The following AKAP13 variants were observed in gnomAD, a reference collection of about 807,000 sequenced individuals.
AKAP13 encodes A-kinase anchoring protein 13.
In AKAP13, 80 loss-of-function variants were observed where a neutral mutation model predicts 264.5. That is an observed-to-expected ratio of 0.30 (90% CI 0.25 to 0.36). The LOEUF (loss-of-function observed/expected upper bound fraction) is 0.36, where lower values mean the gene tolerates loss of function less well. AKAP13 is among the 10% of genes least tolerant of loss of function. The pLI, the probability that AKAP13 is intolerant of heterozygous loss-of-function variation, is 1.00. For synonymous variants in AKAP13, 1,380 were observed against 1,250.2 expected, an observed-to-expected ratio of 1.10 and a Z score of -2.19; for missense variants, 3,712 against 3,435.2, an observed-to-expected ratio of 1.08 and a Z score of -2.01.
chr15:85,416,755 C>T (rs17552700), intron 1 of AKAP13, among the ~76,000 whole-genome samples: 38,105 of 151,978 alleles, frequency 0.25, 6,350 homozygotes, highest in Middle Eastern at 0.37. Context: ...CATCTGAAAA[C>T]CAGTATGTTC....
Position 85,718,938 on chromosome 15 carries a change from A to T in AKAP13, c.6002-138A>T. 1 of 1,196,696 alleles carries T rather than the reference A, an allele frequency of 8.4e-7. No homozygotes were observed. The highest frequency in any genetic ancestry group is 1.5e-5 in the African/African-American group (1 of 65,522). The allele number at this position is 1,196,696 out of a possible 1,614,324, so 74.1% of individuals were successfully genotyped here. ...AAAACAAAAAAACGAGAACACTTTT[A>T]GGGGAAAGATAGCTGTTGACCCAAT... On this transcript the variant is annotated intron_variant, in intron 22 of 36. Transcript: ENST00000394518. This position sits in a 1 kb window ranked among gnomAD's most constrained non-coding sequence, Gnocchi z 4.9.
intron 1 of AKAP13, chr15:85,415,080 A>T: frequency 1.7e-6 from 1 of 599,144 alleles, no homozygotes; most frequent in Non-Finnish European, 2.9e-6. Context: ...TAGTGAAGTT[A>T]CTCTGAAAAT....
Position 85,730,727 on chromosome 15 carries a change from G to GC in AKAP13, c.7282+25dup. 1.3e-6 allele frequency: 2 copies of GC among 1,595,460 alleles called. No homozygotes were observed. The highest frequency in any genetic ancestry group is 4.5e-5 in the East Asian group (2 of 44,578). On this transcript the variant is annotated intron_variant, in intron 30 of 36. Coordinates refer to ENST00000394518, the MANE Select transcript of AKAP13 (RefSeq NM_007200.5). ...ATGAGGGTAATTAACATTCAGCATT[G>GC]CCCCCTCTTCATCTACTCCCAGAGT... is the stretch of plus-strand genomic sequence containing the variant.
At chr15:85,526,443 G>A (rs544106644) in intron 3 of AKAP13, among the ~76,000 whole-genome samples, 10 of 80,606 alleles carry the variant, frequency 1.2e-4, no homozygotes, top group Non-Finnish European at 2.0e-4. Flanking sequence ...TGGCTGGCAC[G>A]TGTGTGTGTG....
At chr15:85,642,633 C>A (rs2082361754) in intron 9 of AKAP13, among the ~76,000 whole-genome samples, 1 of 152,174 alleles carries the variant, frequency 6.6e-6, no homozygotes, top group South Asian at 2.1e-4. Flanking sequence ...TCCCTCTTTC[C>A]CTCCTCAACA....
chr15:85,743,459 C>G, intron 35 of AKAP13, 33 bp from the exon 36 acceptor site: 1 of 1,594,306 alleles, frequency 6.3e-7, no homozygotes, highest in South Asian at 1.1e-5. Flanking sequence ...CTGACAGCCT[C>G]CAAGTGAAAA....
intron 14 of AKAP13, among the ~76,000 whole-genome samples, chr15:85,671,721 A>AT (rs1438637573): frequency 2.6e-5 from 4 of 151,830 alleles, no homozygotes. Flanking sequence ...TTTGCAGTGA[A>AT]TTTGATAAGC....
intron 13 of AKAP13, 106 bp from the exon 14 acceptor site, chr15:85,669,616 T>C: frequency 2.5e-6 from 2 of 795,652 alleles, no homozygotes; most frequent in Non-Finnish European, 4.0e-6. Flanking sequence ...CACCCGCTTC[T>C]TCACTGCCTT....
chr15:85,725,649 G>A (rs2151738233), intron 26 of AKAP13, among the ~76,000 whole-genome samples: 1 of 152,290 alleles, frequency 6.6e-6, no homozygotes, highest in South Asian at 2.1e-4. Context: ...CCAGGGAATT[G>A]TGGACTTCAC....
chr15:85,479,660 C>T (rs367564625), intron 1 of AKAP13, among the ~76,000 whole-genome samples: 1 of 152,232 alleles, frequency 6.6e-6, no homozygotes, highest in East Asian at 1.9e-4. Context: ...GTATGTCAGA[C>T]CTGGACAGCT....
chr15:85,513,841 A>C (rs540507959), intron 2 of AKAP13, among the ~76,000 whole-genome samples: 2 of 140,758 alleles, frequency 1.4e-5, no homozygotes, highest in Admixed American at 7.1e-5. Context: ...TCATTGTCCG[A>C]CGTTTCCTTG....
intron 3 of AKAP13, among the ~76,000 whole-genome samples, chr15:85,532,425 G>C (rs549785581): frequency 6.6e-6 from 1 of 152,228 alleles, no homozygotes; most frequent in Non-Finnish European, 1.5e-5. Context: ...CATGCCCTTA[G>C]CTGTAGAAGA....
intron 5 of AKAP13, among the ~76,000 whole-genome samples, chr15:85,552,231 T>G (rs17618909): frequency 0.2 from 31,154 of 152,142 alleles, 4,225 homozygotes; most frequent in Middle Eastern, 0.41. Context: ...ACTTCTAGAT[T>G]GTTCTTGATT....
At chr15:85,699,909 C>T (rs1399383630) in intron 17 of AKAP13, among the ~76,000 whole-genome samples, 7 of 152,194 alleles carry the variant, frequency 4.6e-5, no homozygotes, top group Admixed American at 1.3e-4. Context: ...AAGTTATAGA[C>T]AGTCTTTTTG....
chr15:85,742,002 G>A (rs1421037156), intron 35 of AKAP13, among the ~76,000 whole-genome samples: 1 of 152,022 alleles, frequency 6.6e-6, no homozygotes, highest in African/African-American at 2.4e-5. Context: ...CCGAGATCTC[G>A]CCACTGCACT....
intron 12 of AKAP13, among the ~76,000 whole-genome samples, 177 bp downstream of exon 12, chr15:85,658,767 GTTTC>G (rs1328465159): frequency 6.6e-6 from 1 of 151,884 alleles, no homozygotes; most frequent in Non-Finnish European, 1.5e-5. Context: ...ATATGAAATG[GTTTC>G]TTTAATTTGA....
rs769113718 is a variant in AKAP13 at position 85,581,021 on chromosome 15, G to T, written c.2953G>T (p.Gly985Cys). The T allele has an allele frequency of 1.9e-6, 3 of 1,613,750 alleles. No individual in the cohort carries two copies. The highest frequency in any genetic ancestry group is 2.5e-6 in the Non-Finnish European group (3 of 1,179,830). Residue 985 changes from glycine to cysteine, a missense_variant, in exon 7 of 37, where the codon GGT becomes TGT. Physicochemically the swap from Gly to Cys is radical, Grantham distance 159. Around this residue, in one of 3 missense-constraint regions of AKAP13, gnomAD observed 2,759 missense variants for 2,411.7 expected, o/e 1.14. Coordinates refer to ENST00000394518, the MANE Select transcript of AKAP13 (RefSeq NM_007200.5). ...AGCACTTCAGCTAAGTAATTCACCGGGTGCATCCTCTGCCTTTCTTAAGGC... is the reference window on the plus strand; with the variant it reads ...AGCACTTCAGCTAAGTAATTCACCGTGTGCATCCTCTGCCTTTCTTAAGGC... ...DKALQLSNSPGASSAFLKAET... is the reference protein window; with the variant it reads ...DKALQLSNSPCASSAFLKAET...
At chr15:85,683,141 T>G (rs1226279884) in intron 15 of AKAP13, among the ~76,000 whole-genome samples, 1 of 152,242 alleles carries the variant, frequency 6.6e-6, no homozygotes, top group Non-Finnish European at 1.5e-5. Context: ...TTTAGAACCC[T>G]TGCAATGAAT....
intron 1 of AKAP13, among the ~76,000 whole-genome samples, chr15:85,483,405 T>A (rs1000563199): frequency 2.6e-5 from 4 of 152,108 alleles, no homozygotes; most frequent in Non-Finnish European, 4.4e-5. Flanking sequence ...GGCGGGTGGA[T>A]CATGAGGTCA....
Sources: allele counts gnomAD v4.1 joint callset (sites outside exome capture counted in the v4.1 genomes callset), GRCh38; gene constraint gnomAD v4.1.1; regional missense constraint gnomAD v4.1.1; non-coding constraint Gnocchi (gnomAD v3.1); transcripts MANE v1.5; gene names NCBI Gene and HGNC (gene_info 2026-07-23, HGNC 2026-07-21).